The following KCNMB2 variants were observed in gnomAD, a reference collection of about 807,000 sequenced individuals.
KCNMB2 encodes the protein potassium calcium-activated channel subfamily M regulatory beta subunit 2, also known as calcium-activated potassium channel subunit beta-2.
A neutral mutation model predicts 24.5 loss-of-function variants in KCNMB2; 9 were observed. The ratio of observed to expected loss-of-function variants is 0.37; its 90% CI spans 0.22 to 0.64. The LOEUF (loss-of-function observed/expected upper bound fraction) is 0.64, where lower values mean the gene tolerates loss of function less well. KCNMB2 is among the 30% of genes least tolerant of loss of function. The probability of loss-of-function intolerance (pLI) is 0.63; values close to 1 mark genes in which losing one functional copy is unlikely to be tolerated. For synonymous variants in KCNMB2, 109 were observed against 104.4 expected, an observed-to-expected ratio of 1.04 and a Z score of -0.27; for missense variants, 226 against 284.3, an observed-to-expected ratio of 0.79 and a Z score of 1.47.
intron 1 of KCNMB2, among the ~76,000 whole-genome samples, chr3:178,547,502 T>A (rs754503316): frequency 2.6e-5 from 4 of 152,178 alleles, no homozygotes. Flanking sequence ...TAAAACATTT[T>A]AAAATTATAG....
At position 178,778,468 on chromosome 3, in the gene KCNMB2, A is replaced by ACGTGCGCGCGCGCGCGCGCG. The variant is rs1560017837; in HGVS notation, c.-67-28874_-67-28873insGTGCGCGCGCGCGCGCGCGC. 1.2e-4 allele frequency among the ~76,000 whole-genome samples: 8 copies of ACGTGCGCGCGCGCGCGCGCG among 64,988 alleles called. 1 individual carries two copies. Among genetic ancestry groups the ACGTGCGCGCGCGCGCGCGCG allele is most frequent in the South Asian group, 4.6e-4 (1 of 2,178 alleles). 42.6% of individuals were successfully genotyped at this position (64,988 alleles called of 152,430 possible). A position where few individuals can be genotyped will look rare whatever the true frequency, so the allele number is the denominator to read the frequency against. On this transcript the variant is annotated intron_variant, in intron 1 of 4. Coordinates refer to ENST00000452583, the MANE Select transcript of KCNMB2 (RefSeq NM_181361.3). ...TCTACCCTTTAAGACACACACACAC[A>ACGTGCGCGCGCGCGCGCGCG]CACACACACACACACACACACACAC...
At chr3:178,725,394 C>A (rs186026907) in intron 1 of KCNMB2, among the ~76,000 whole-genome samples, 6 of 151,894 alleles carry the variant, frequency 4.0e-5, no homozygotes, top group African/African-American at 1.2e-4. Context: ...GCCCTCCCCC[C>A]ACCAAAAAAC....
At chr3:178,593,892 G>A (rs919279440) in intron 1 of KCNMB2, among the ~76,000 whole-genome samples, 3 of 148,204 alleles carry the variant, frequency 2.0e-5, no homozygotes, top group Non-Finnish European at 3.0e-5. Context: ...TCTTGGCCAC[G>A]GCATACCAGA....
chr3:178,636,151 A>G (rs531011624), intron 1 of KCNMB2, among the ~76,000 whole-genome samples: 3 of 152,224 alleles, frequency 2.0e-5, no homozygotes, highest in African/African-American at 7.2e-5. Flanking sequence ...GGTTTCTTCC[A>G]AATTTTCCAA....
At chr3:178,743,034 G>A (rs948870732) in intron 1 of KCNMB2, among the ~76,000 whole-genome samples, 1 of 152,102 alleles carries the variant, frequency 6.6e-6, no homozygotes, top group African/African-American at 2.4e-5. Context: ...CAAGGCCTGT[G>A]GGCAAAATGA....
intron 1 of KCNMB2, among the ~76,000 whole-genome samples, chr3:178,745,421 TTACCTCCCACTCGGTCCC>T (rs1723632718): frequency 1.3e-5 from 2 of 152,236 alleles, no homozygotes; most frequent in South Asian, 4.1e-4. Flanking sequence ...CATGATTCAA[TTACCTCCCACTCGGTCCC>T]TCCCACAACA....
At chr3:178,568,766 AGATAGAT>A (rs1457667258) in intron 1 of KCNMB2, among the ~76,000 whole-genome samples, 67 of 139,756 alleles carry the variant, frequency 4.8e-4, no homozygotes, top group African/African-American at 1.8e-3. Flanking sequence ...GATGATAGAT[AGATAGAT>A]GATAGATAGA....
intron 1 of KCNMB2, among the ~76,000 whole-genome samples, chr3:178,555,326 A>G (rs1333928663): frequency 6.6e-6 from 1 of 152,192 alleles, no homozygotes; most frequent in Non-Finnish European, 1.5e-5. Flanking sequence ...AATTTAGTCT[A>G]ATGGAATCAC....
chr3:178,788,189 G>T (rs918980969), intron 1 of KCNMB2, among the ~76,000 whole-genome samples: 1 of 152,118 alleles, frequency 6.6e-6, no homozygotes, highest in Non-Finnish European at 1.5e-5. Context: ...CATGAGTTAT[G>T]AGCAGGTTTC....
At chr3:178,715,021 T>A (rs905695819) in intron 1 of KCNMB2, among the ~76,000 whole-genome samples, 6 of 152,212 alleles carry the variant, frequency 3.9e-5, no homozygotes, top group Admixed American at 2.6e-4. Flanking sequence ...CTGACCACTT[T>A]GTTTATTTTG....
intron 1 of KCNMB2, among the ~76,000 whole-genome samples, chr3:178,650,530 C>A (rs1720073721): frequency 6.6e-6 from 1 of 151,772 alleles, no homozygotes; most frequent in Non-Finnish European, 1.5e-5. Context: ...TCCTTCTGAA[C>A]TACAGGGACT....
intron 1 of KCNMB2, among the ~76,000 whole-genome samples, chr3:178,547,191 G>T (rs1287937139): frequency 6.6e-6 from 1 of 152,132 alleles, no homozygotes; most frequent in African/African-American, 2.4e-5. Flanking sequence ...TCTTATGTGT[G>T]TGTGCTCTCT....
intron 1 of KCNMB2, among the ~76,000 whole-genome samples, chr3:178,676,943 CT>C (rs983339592): frequency 2.0e-5 from 3 of 152,082 alleles, no homozygotes; most frequent in Non-Finnish European, 2.9e-5. Flanking sequence ...GAAATGGAGC[CT>C]GGGAGAAGGT....
intron 1 of KCNMB2, among the ~76,000 whole-genome samples, chr3:178,557,694 T>C (rs568225256): frequency 1.3e-5 from 2 of 152,340 alleles, no homozygotes; most frequent in African/African-American, 2.4e-5. Flanking sequence ...GTAACGTTAA[T>C]AGAGCTTTAG....
intron 1 of KCNMB2, among the ~76,000 whole-genome samples, chr3:178,744,793 C>A (rs927424041): frequency 1.3e-4 from 20 of 152,238 alleles, no homozygotes; most frequent in Admixed American, 1.3e-3. Context: ...ATCCCCACAG[C>A]CTGATTTTGC....
chr3:178,672,994 T>C (rs146645935), intron 1 of KCNMB2, among the ~76,000 whole-genome samples: 253 of 152,306 alleles, frequency 1.7e-3, no homozygotes, highest in African/African-American at 5.7e-3. Flanking sequence ...CCAAAAACCA[T>C]TGATGGCCCA....
chr3:178,797,039 T>C (rs560818744), intron 1 of KCNMB2, among the ~76,000 whole-genome samples: 3 of 151,092 alleles, frequency 2.0e-5, no homozygotes, highest in Non-Finnish European at 3.0e-5. Flanking sequence ...TAAAATCAGA[T>C]AAAAAAAAGG....
At chr3:178,781,353 A>G (rs1577182775) in intron 1 of KCNMB2, among the ~76,000 whole-genome samples, 2 of 151,994 alleles carry the variant, frequency 1.3e-5, no homozygotes, top group Admixed American at 6.6e-5. Context: ...GCACTTTGGG[A>G]GGCTGAGGTG....
chr3:178,619,871 A>G (rs1439395012), intron 1 of KCNMB2, among the ~76,000 whole-genome samples: 2 of 152,296 alleles, frequency 1.3e-5, no homozygotes, highest in Non-Finnish European at 2.9e-5. Flanking sequence ...CTCATATAAG[A>G]GCTTCCTCAT....
Sources: allele counts gnomAD v4.1 joint callset (sites outside exome capture counted in the v4.1 genomes callset), GRCh38; gene constraint gnomAD v4.1.1; transcripts MANE v1.5; gene names NCBI Gene and HGNC (gene_info 2026-07-23, HGNC 2026-07-21).